Variants in HS6ST3 observed in about 807,000 individuals in gnomAD.
HS6ST3 encodes heparan-sulfate 6-O-sulfotransferase 3.
HS6ST3 carries 12 observed loss-of-function variants against 36.7 expected under a neutral mutation model. The ratio of observed to expected loss-of-function variants is 0.33; its 90% CI spans 0.21 to 0.53. HS6ST3 has a LOEUF of 0.53. Among genes scored for constraint, HS6ST3 ranks in the 20% least tolerant of loss-of-function variants. The pLI is 0.95. For synonymous variants in HS6ST3, 240 were observed against 257.5 expected (o/e 0.93, Z 0.65); for missense variants, 584 against 640.9 (o/e 0.91, Z 0.96).
At chr13:96,204,854 G>C (rs527292620) in intron 1 of HS6ST3, among the ~76,000 whole-genome samples, 15 of 152,236 alleles carry the variant, frequency 9.9e-5, no homozygotes, top group African/African-American at 3.4e-4. Flanking sequence ...AGTTAAGAGA[G>C]AAATTTATAG....
intron 1 of HS6ST3, among the ~76,000 whole-genome samples, chr13:96,374,830 C>A (rs2055307001): frequency 6.6e-6 from 1 of 152,042 alleles, no homozygotes; most frequent in Non-Finnish European, 1.5e-5. Flanking sequence ...ATCTGTATAT[C>A]CCCCTCCAAC....
chr13:96,364,827 T>C (rs2055255534), intron 1 of HS6ST3, among the ~76,000 whole-genome samples: 1 of 152,206 alleles, frequency 6.6e-6, no homozygotes, highest in South Asian at 2.1e-4. Context: ...AAAAATATTT[T>C]AAGACTTTAA....
intron 1 of HS6ST3, among the ~76,000 whole-genome samples, chr13:96,178,366 G>A (rs2054222309): frequency 1.3e-5 from 2 of 152,284 alleles, no homozygotes; most frequent in South Asian, 2.1e-4. Flanking sequence ...GCTCCATGTT[G>A]ATTGGTGGGG....
intron 1 of HS6ST3, among the ~76,000 whole-genome samples, chr13:96,622,434 A>G (rs2056498400): frequency 1.3e-5 from 2 of 152,102 alleles, no homozygotes; most frequent in African/African-American, 4.8e-5. Flanking sequence ...TTACTTTCTC[A>G]GTCTGACTAA....
intron 1 of HS6ST3, among the ~76,000 whole-genome samples, chr13:96,653,603 C>T (rs577193307): frequency 1.2e-4 from 18 of 152,296 alleles, no homozygotes; most frequent in African/African-American, 4.3e-4. Context: ...TTTATCCAGT[C>T]TATCACTGAT....
At chr13:96,619,528 TG>T (rs568292301) in intron 1 of HS6ST3, among the ~76,000 whole-genome samples, 13 of 152,220 alleles carry the variant, frequency 8.5e-5, no homozygotes, top group Non-Finnish European at 1.9e-4. Context: ...TAATACCTTC[TG>T]GGGATACAGG....
intron 1 of HS6ST3, among the ~76,000 whole-genome samples, chr13:96,737,667 T>C (rs1876322867): frequency 6.6e-6 from 1 of 151,302 alleles, no homozygotes; most frequent in South Asian, 2.1e-4. Context: ...AGAGATTATT[T>C]TCAAACCACG....
chr13:96,571,350 T>C (rs2056300366), intron 1 of HS6ST3, among the ~76,000 whole-genome samples: 1 of 152,206 alleles, frequency 6.6e-6, no homozygotes, highest in Non-Finnish European at 1.5e-5. Flanking sequence ...TACATTTCAC[T>C]GCTAGGTAAC....
chr13:96,817,210 C>A (rs1878440775), intron 1 of HS6ST3, among the ~76,000 whole-genome samples: 1 of 152,150 alleles, frequency 6.6e-6, no homozygotes, highest in African/African-American at 2.4e-5. Context: ...AGGCAGACAG[C>A]CTTTAAAATC....
intron 1 of HS6ST3, among the ~76,000 whole-genome samples, chr13:96,275,446 A>G (rs774681099): frequency 1.3e-5 from 2 of 152,156 alleles, no homozygotes; most frequent in Non-Finnish European, 2.9e-5. Flanking sequence ...TATTTGGGGA[A>G]TTTGAGTCAT....
intron 1 of HS6ST3, among the ~76,000 whole-genome samples, chr13:96,494,666 C>T (rs2055965645): frequency 6.6e-6 from 1 of 151,950 alleles, no homozygotes; most frequent in Non-Finnish European, 1.5e-5. Context: ...AAAACACACA[C>T]ACACACACAT....
At chr13:96,536,744 C>T (rs2056157024) in intron 1 of HS6ST3, among the ~76,000 whole-genome samples, 1 of 152,148 alleles carries the variant, frequency 6.6e-6, no homozygotes, top group African/African-American at 2.4e-5. Flanking sequence ...TAGAATGTGG[C>T]CCTCAGGGAT....
chr13:96,737,768 A>C (rs960776900), intron 1 of HS6ST3, among the ~76,000 whole-genome samples: 9 of 152,088 alleles, frequency 5.9e-5, no homozygotes, highest in African/African-American at 2.2e-4. Flanking sequence ...ATGTTATTTT[A>C]ATAAAGCTAT....
chr13:96,770,084 GT>G (rs1301265847), intron 1 of HS6ST3, among the ~76,000 whole-genome samples: 1 of 152,078 alleles, frequency 6.6e-6, no homozygotes, highest in Non-Finnish European at 1.5e-5. Flanking sequence ...CATTATACCA[GT>G]CCTTATCTTT....
intron 1 of HS6ST3, among the ~76,000 whole-genome samples, chr13:96,699,277 G>T (rs1875217644): frequency 6.6e-6 from 1 of 152,238 alleles, no homozygotes; most frequent in Admixed American, 6.5e-5. Flanking sequence ...AAGAGCTTCT[G>T]CACAGCAAAA....
chr13:96,717,942 T>C (rs549749123), intron 1 of HS6ST3, among the ~76,000 whole-genome samples: 2 of 152,204 alleles, frequency 1.3e-5, no homozygotes, highest in South Asian at 2.1e-4. Flanking sequence ...TTTCGCGCAC[T>C]GAGGACCATT....
intron 1 of HS6ST3, among the ~76,000 whole-genome samples, chr13:96,167,842 A>G (rs1422583273): frequency 6.6e-6 from 1 of 152,180 alleles, no homozygotes; most frequent in Non-Finnish European, 1.5e-5. Context: ...ATGTCTAAAG[A>G]TGTGGTATCT....
intron 1 of HS6ST3, among the ~76,000 whole-genome samples, chr13:96,381,135 G>A (rs1243735576): frequency 6.6e-6 from 1 of 152,152 alleles, no homozygotes; most frequent in African/African-American, 2.4e-5. Flanking sequence ...CACATGAATT[G>A]TGTGCTGCTC....
chr13:96,820,277 T>G (rs985243691), intron 1 of HS6ST3, among the ~76,000 whole-genome samples: 1 of 152,210 alleles, frequency 6.6e-6, no homozygotes, highest in Non-Finnish European at 1.5e-5. Context: ...AAATTTGCTT[T>G]AGGTTGTTTT....
Sources: gnomAD v4.1 joint callset for allele counts (sites outside exome capture counted in the v4.1 genomes callset) on GRCh38, gnomAD v4.1.1 for gene constraint, MANE v1.5 for transcripts, NCBI Gene and HGNC (gene_info 2026-07-23, HGNC 2026-07-21) for gene names.